The following SPACA6 variants were observed in gnomAD, a reference collection of about 807,000 sequenced individuals.
The protein encoded by SPACA6 is sperm acrosome associated 6, also known as sperm acrosome membrane-associated protein 6.
For synonymous variants in SPACA6, 6 were observed against 1.5 expected, an observed-to-expected ratio of 4.05 and a Z score of -2.21; for missense variants, 8 against 2.8, an observed-to-expected ratio of 2.88 and a Z score of -1.34.
chr19:51,693,213 G>A, upstream of SPACA6: 1 of 593,930 alleles, frequency 1.7e-6, no homozygotes, highest in Non-Finnish European at 3.3e-6. Flanking sequence ...CTCCATCTCT[G>A]ACCCCCACCC....
chr19:51,704,957 C>T (rs137936247), intron 8 of SPACA6, 133 bp from the exon 9 acceptor site: 154 of 399,546 alleles, frequency 3.9e-4, no homozygotes, highest in African/African-American at 2.9e-3. Flanking sequence ...AGCCCAGGCC[C>T]CCTGCCCCCT....
downstream of SPACA6, chr19:51,712,507 G>C (rs190398884): frequency 2.6e-5 from 4 of 152,502 alleles, no homozygotes; most frequent in African/African-American, 9.6e-5. Context: ...GAAAGGCTCC[G>C]AAGCGAAAGG....
upstream of SPACA6, chr19:51,692,792 C>T (rs530403402): frequency 1.9e-6 from 1 of 534,514 alleles, no homozygotes; most frequent in South Asian, 1.4e-5. The surrounding 1 kb of genome is among the most constrained non-coding windows in gnomAD (Gnocchi z 5.6). Context: ...GCCCCCCGGG[C>T]TGAGGTAGGA....
intron 2 of SPACA6, among the ~76,000 whole-genome samples, chr19:51,696,466 G>C (rs948342445): frequency 2.6e-5 from 4 of 151,760 alleles, no homozygotes; most frequent in Non-Finnish European, 4.4e-5. Flanking sequence ...TTGTTTTTTT[G>C]AGATAGGGTC....
At chr19:51,691,886 C>T (rs996977158), upstream of SPACA6, among the ~76,000 whole-genome samples, 2 of 152,010 alleles carry the variant, frequency 1.3e-5, no homozygotes, top group African/African-American at 4.8e-5. Context: ...AGAGGGAGGA[C>T]AGAGATGGGG....
At chr19:51,709,628 A>AG (rs1025109731), downstream of SPACA6, among the ~76,000 whole-genome samples, 4 of 151,096 alleles carry the variant, frequency 2.6e-5, no homozygotes, top group Admixed American at 1.3e-4. Flanking sequence ...AAAAAAAAAA[A>AG]AAAGAAAAGA....
upstream of SPACA6, chr19:51,692,516 C>T (rs2083382702): frequency 4.6e-6 from 2 of 438,568 alleles, no homozygotes; most frequent in South Asian, 3.4e-5. The surrounding 1 kb of genome is among the most constrained non-coding windows in gnomAD (Gnocchi z 5.6). Flanking sequence ...GGGATGAGAG[C>T]CTTGACTCCA....
chr19:51,693,339 C>T lies in SPACA6; in HGVS notation c.-188C>T. On this transcript the variant is annotated 5_prime_UTR_variant, in exon 1 of 9. Coordinates refer to ENST00000637797, the MANE Select transcript of SPACA6 (RefSeq NM_001316972.2). ...GGTTCTTGGGAGCCTGGCGTCTGGC[C>T]CAACCACACACCTGGGGAATTGCTG... 2.7e-6 allele frequency: 2 copies of T among 748,100 alleles called. No individual in the cohort carries two copies. The highest frequency in any genetic ancestry group is 5.0e-6 in the Non-Finnish European group (2 of 398,404). 46.3% of individuals were successfully genotyped at this position (748,100 alleles called of 1,614,324 possible). A position where few individuals can be genotyped will look rare whatever the true frequency, so the allele number is the denominator to read the frequency against.
intron 3 of SPACA6, among the ~76,000 whole-genome samples, chr19:51,702,268 G>A (rs2083474300): frequency 6.6e-6 from 1 of 151,816 alleles, no homozygotes; most frequent in Admixed American, 6.6e-5. Context: ...TCTCTAACTG[G>A]GCCACCACCT....
chr19:51,704,230 G>A (rs960355778), intron 7 of SPACA6, 40 bp from the exon 8 acceptor site: 6 of 400,774 alleles, frequency 1.5e-5, no homozygotes, highest in African/African-American at 1.2e-4. Flanking sequence ...GTCGGGAGAG[G>A]GGTGGGGCTC....
chr19:51,701,620 G>T lies in SPACA6; in HGVS notation c.293-38G>T, dbSNP rs1053686801. Reference sequence around the variant, plus strand: ...CCAAGGACCAAGCCCTGGGGGAAGGGCTTTACTACACAGGCCGTCCTCCCC... The same window carrying T: ...CCAAGGACCAAGCCCTGGGGGAAGGTCTTTACTACACAGGCCGTCCTCCCC... On this transcript the variant is annotated intron_variant, in intron 2 of 8. Transcript: ENST00000637797. The T allele has an allele frequency of 3.3e-5, 13 of 398,556 alleles. No homozygotes were observed. The Middle Eastern group carries it at 1.9e-3, about 58-fold the overall frequency. The allele number at this position is 398,556 out of a possible 1,614,324, so 24.7% of individuals were successfully genotyped here. A position where few individuals can be genotyped will look rare whatever the true frequency, so the allele number is the denominator to read the frequency against.
At chr19:51,700,263 C>A (rs925465438) in intron 2 of SPACA6, among the ~76,000 whole-genome samples, 6 of 152,040 alleles carry the variant, frequency 3.9e-5, no homozygotes, top group Non-Finnish European at 7.4e-5. Flanking sequence ...CAAAACAAAA[C>A]AAACACCTAC....
chr19:51,705,598 C>T (rs1314402800), downstream of SPACA6, among the ~76,000 whole-genome samples: 1 of 152,152 alleles, frequency 6.6e-6, no homozygotes, highest in Non-Finnish European at 1.5e-5. Flanking sequence ...GTCCCAGTCA[C>T]CCCCACCTCA....
At chr19:51,705,706 A>ATTTTATTTTAT (rs61529733), downstream of SPACA6, among the ~76,000 whole-genome samples, 2 of 150,360 alleles carry the variant, frequency 1.3e-5, no homozygotes, top group Admixed American at 6.6e-5. Flanking sequence ...ATTTTATTTT[A>ATTTTATTTTAT]TTTTTTTGGA....
chr19:51,703,407 C>A lies in SPACA6; in HGVS notation c.573+70C>A. On this transcript the variant is annotated intron_variant, in intron 6 of 8. Transcript: ENST00000637797. The surrounding 1 kb of genome is among the most constrained non-coding windows in gnomAD (Gnocchi z 4.2). ...TAGCCTTCACTAGAGGTTGGGGAGT[C>A]AGCTTGCGGGGACGGGACTCCGGGA... 2.5e-6 allele frequency: 1 copy of A among 398,864 alleles called. No homozygotes were observed. The highest frequency in any genetic ancestry group is 1.3e-4 in the South Asian group (1 of 7,682). 24.7% of individuals were successfully genotyped at this position (398,864 alleles called of 1,614,324 possible). A position where few individuals can be genotyped will look rare whatever the true frequency, so the allele number is the denominator to read the frequency against.
upstream of SPACA6, among the ~76,000 whole-genome samples, chr19:51,691,839 A>G (rs2083376161): frequency 6.6e-6 from 1 of 152,054 alleles, no homozygotes; most frequent in South Asian, 2.1e-4. Context: ...CCCGGGGTCC[A>G]GAAGCTGGAG....
At chr19:51,706,071 T>C (rs1046741775), downstream of SPACA6, among the ~76,000 whole-genome samples, 3 of 152,166 alleles carry the variant, frequency 2.0e-5, no homozygotes, top group African/African-American at 2.4e-5. Flanking sequence ...CCTGTTGCCA[T>C]TGAGACAAAA....
intron 8 of SPACA6, 95 bp from the exon 9 acceptor site, chr19:51,704,995 C>T (rs1246259436): frequency 2.6e-6 from 1 of 380,702 alleles, no homozygotes; most frequent in Non-Finnish European, 4.5e-6. Context: ...AGTCCGGGCC[C>T]TGTACACCTT....
upstream of SPACA6, chr19:51,693,321 G>T: frequency 1.3e-6 from 1 of 752,182 alleles, no homozygotes; most frequent in East Asian, 2.5e-5. Flanking sequence ...TGAGGTTCTT[G>T]GGAGCCTGGC....
Sources: gnomAD v4.1 joint callset for allele counts (sites outside exome capture counted in the v4.1 genomes callset) on GRCh38, gnomAD v4.1.1 for gene constraint, Gnocchi (gnomAD v3.1) non-coding constraint, MANE v1.5 for transcripts, NCBI Gene and HGNC (gene_info 2026-07-23, HGNC 2026-07-21) for gene names.